The following CPE variants were observed in gnomAD, a reference collection of about 807,000 sequenced individuals.
The protein encoded by CPE is carbocypeptidase E.
Under a neutral mutation model 53.5 loss-of-function variants are expected in CPE, and 17 were observed. The observed-to-expected ratio is 0.32, with a 90% confidence interval of 0.22 to 0.48. The LOEUF (loss-of-function observed/expected upper bound fraction) is 0.48. CPE is among the 20% of genes least tolerant of loss of function. CPE has a pLI of 0.99. For missense variants in CPE, 524 were observed against 614.7 expected (o/e 0.85, Z 1.56); for synonymous variants, 226 against 228.8 (o/e 0.99, Z 0.11).
Position 165,427,840 on chromosome 4 carries a change from C to T in CPE, c.308-36550C>T, listed in dbSNP as rs548706430. Among the ~76,000 whole-genome samples the T allele has an allele frequency of 2.6e-5, 4 of 151,786 alleles. No individual in the cohort carries two copies. The South Asian group carries it at 6.3e-4, about 24-fold the overall frequency. ...CAGGCTGTAGTCCAAAGCACCCATA[C>T]GTTGCACATTTGATATTTAATTTAG... On this transcript the variant is annotated intron_variant, in intron 1 of 8. Transcript: ENST00000402744.
At chr4:165,417,943 G>T (rs1731152620) in intron 1 of CPE, among the ~76,000 whole-genome samples, 1 of 152,002 alleles carries the variant, frequency 6.6e-6, no homozygotes, top group South Asian at 2.1e-4. Flanking sequence ...TTCTGTGTGG[G>T]CACATTTCAC....
chr4:165,476,848 C>T (rs1732309739), intron 3 of CPE, among the ~76,000 whole-genome samples: 1 of 152,162 alleles, frequency 6.6e-6, no homozygotes, highest in African/African-American at 2.4e-5. Flanking sequence ...ACGTCACTGT[C>T]TCAGCCTGAA....
chr4:165,455,612 T>A (rs1182128835), intron 1 of CPE, among the ~76,000 whole-genome samples: 1 of 152,120 alleles, frequency 6.6e-6, no homozygotes, highest in Non-Finnish European at 1.5e-5. Context: ...ATATTAAAAC[T>A]TCTCTGTGCT....
At chr4:165,475,127 T>A (rs1397941810) in intron 3 of CPE, among the ~76,000 whole-genome samples, 2 of 152,178 alleles carry the variant, frequency 1.3e-5, no homozygotes, top group Non-Finnish European at 2.9e-5. Flanking sequence ...GACTTGAGGC[T>A]TGAGGTAAGA....
At chr4:165,426,016 G>A (rs1731311373) in intron 1 of CPE, among the ~76,000 whole-genome samples, 1 of 152,162 alleles carries the variant, frequency 6.6e-6, no homozygotes, top group Non-Finnish European at 1.5e-5. Flanking sequence ...ACAGTTTTCT[G>A]TATTGCTCTC....
At chr4:165,426,280 G>T (rs1371267458) in intron 1 of CPE, among the ~76,000 whole-genome samples, 2 of 152,138 alleles carry the variant, frequency 1.3e-5, no homozygotes, top group Non-Finnish European at 2.9e-5. Context: ...TATTTTTACT[G>T]AATTATAGTT....
intron 1 of CPE, among the ~76,000 whole-genome samples, chr4:165,456,124 C>T (rs532211788): frequency 2.0e-5 from 3 of 152,126 alleles, no homozygotes; most frequent in African/African-American, 4.8e-5. Flanking sequence ...TTGTGAAGGT[C>T]GTCTTGTAGG....
At chr4:165,484,970 A>G (rs2126712888) in intron 5 of CPE, among the ~76,000 whole-genome samples, 2 of 152,234 alleles carry the variant, frequency 1.3e-5, no homozygotes, top group African/African-American at 4.8e-5. Context: ...GTAGGTAAAT[A>G]TATATTTTAG....
intron 1 of CPE, among the ~76,000 whole-genome samples, chr4:165,422,864 C>T (rs1731248461): frequency 1.3e-5 from 2 of 151,620 alleles, no homozygotes; most frequent in South Asian, 4.2e-4. Flanking sequence ...GTAGTCCCAG[C>T]TACTCGGGAG....
rs575949961 is a variant in CPE, at chr4:165,437,404, C to G, written c.308-26986C>G. On this transcript the variant is annotated intron_variant, in intron 1 of 8. Coordinates refer to ENST00000402744, the MANE Select transcript of CPE (RefSeq NM_001873.4). ...CATCCTGTATTAAATCAGCTCTGTT[C>G]TGTCATTGTCCCAGATCCTGTATCT... Among the ~76,000 whole-genome samples, 10 of 152,286 alleles carry G rather than the reference C, an allele frequency of 6.6e-5. No homozygotes were observed. The East Asian group carries it at 1.7e-3, about 26-fold the overall frequency.
intron 1 of CPE, chr4:165,415,171 C>G (rs1435791377): frequency 6.0e-6 from 1 of 166,944 alleles, no homozygotes; most frequent in Non-Finnish European, 1.5e-5. Context: ...GTGGAAAAAC[C>G]TTTGGAGAAT....
chr4:165,481,016 A>ATATATATATATATATATATATAT (rs1491161430), intron 3 of CPE, among the ~76,000 whole-genome samples: 1 of 111,040 alleles, frequency 9.0e-6, no homozygotes, highest in African/African-American at 3.4e-5. Flanking sequence ...ATATATATAT[A>ATATATATATATATATATATATAT]TTTTTTTTTT....
At chr4:165,419,461 T>A (rs1430565396) in intron 1 of CPE, among the ~76,000 whole-genome samples, 2 of 152,324 alleles carry the variant, frequency 1.3e-5, no homozygotes, top group African/African-American at 4.8e-5. Context: ...TTTAATGAAT[T>A]AGAAGCATGA....
chr4:165,410,109 TGTG>T (rs1731013152), intron 1 of CPE, among the ~76,000 whole-genome samples: 1 of 151,352 alleles, frequency 6.6e-6, no homozygotes, highest in Admixed American at 6.6e-5. Context: ...ATTAGCTGGG[TGTG>T]GTGGTGGGCG....
chr4:165,406,431 T>C, intron 1 of CPE: 1 of 331,198 alleles, frequency 3.0e-6, no homozygotes. Context: ...AAATGTATTA[T>C]AACCAAGGAG....
intron 1 of CPE, among the ~76,000 whole-genome samples, chr4:165,463,072 T>C (rs1292801215): frequency 1.3e-5 from 2 of 152,216 alleles, no homozygotes; most frequent in Non-Finnish European, 2.9e-5. Context: ...ACTTTGCTGC[T>C]ACGTTCTGCA....
At chr4:165,381,062 C>T (rs1310092417) in intron 1 of CPE, among the ~76,000 whole-genome samples, 1 of 152,154 alleles carries the variant, frequency 6.6e-6, no homozygotes, top group African/African-American at 2.4e-5. Context: ...CCCTTTGTTA[C>T]TCTATTTTGT....
chr4:165,433,814 T>C (rs1731452844), intron 1 of CPE, among the ~76,000 whole-genome samples: 1 of 152,190 alleles, frequency 6.6e-6, no homozygotes, highest in African/African-American at 2.4e-5. Context: ...TGCCTAATGT[T>C]ATTTAATTGA....
At position 165,457,014 on chromosome 4, in the gene CPE, C is replaced by T. The variant is rs530680655; in HGVS notation, c.308-7376C>T. 2.6e-5 allele frequency among the ~76,000 whole-genome samples: 4 copies of T among 152,230 alleles called. No individual in the cohort carries two copies. The East Asian group carries it at 7.7e-4, about 29-fold the overall frequency. On this transcript the variant is annotated intron_variant, in intron 1 of 8. Coordinates refer to ENST00000402744, the MANE Select transcript of CPE (RefSeq NM_001873.4). ...ACTGCCTCCCAAAGTGCTGGGATTA[C>T]AGGTATGAGCCACTGTTCCAGGCTG...
Sources: gnomAD v4.1 joint callset for allele counts (sites outside exome capture counted in the v4.1 genomes callset) on GRCh38, gnomAD v4.1.1 for gene constraint, MANE v1.5 for transcripts, NCBI Gene and HGNC (gene_info 2026-07-23, HGNC 2026-07-21) for gene names.